The following MYH2 variants were observed in gnomAD, a reference collection of about 807,000 sequenced individuals.
MYH2 encodes the protein myosin heavy chain 2.
Under a neutral mutation model 228.1 loss-of-function variants are expected in MYH2, and 139 were observed. The observed-to-expected ratio is 0.61, with a 90% CI of 0.53 to 0.70. The LOEUF is 0.70. Ranked by LOEUF, MYH2 falls within the 30% of genes least tolerant of loss-of-function variation. MYH2 has a pLI of 0.00. For synonymous variants in MYH2, 796 were observed against 871.1 expected, an observed-to-expected ratio of 0.91 and a Z score of 1.52; for missense variants, 1,809 against 2,357.5, an observed-to-expected ratio of 0.77 and a Z score of 4.82.
At chr17:10,523,716 A>G in intron 36 of MYH2, 43 bp downstream of exon 36, 2 of 1,614,236 alleles carry the variant, frequency 1.2e-6, no homozygotes, top group South Asian at 2.2e-5. Context: ...GATGTCAGGA[A>G]ATCTTACTGC....
At chr17:10,530,640 A>G (rs977096816) in intron 22 of MYH2, among the ~76,000 whole-genome samples, 4 of 152,158 alleles carry the variant, frequency 2.6e-5, no homozygotes, top group Non-Finnish European at 5.9e-5. Flanking sequence ...GTTTCCAATT[A>G]AGGGGGACAG....
In MYH2 at chr17:10,525,146, T is replaced by C. The variant is rs1317390562; in HGVS notation, c.4662+78A>G. ...TCTGCACAGCAATAATTTTGTGCTA[T>C]GTGTCTTTTTATTCACTCTATGCAG... On this transcript the variant is annotated intron_variant, in intron 33 of 39. Coordinates refer to ENST00000245503, the MANE Select transcript of MYH2 (RefSeq NM_017534.6). The surrounding 1 kb of genome is among the most constrained non-coding windows in gnomAD (Gnocchi z 4.2). 2.5e-6 allele frequency: 4 copies of C among 1,613,732 alleles called. No individual in the cohort carries two copies. Among genetic ancestry groups the C allele is most frequent in the Non-Finnish European group, 3.4e-6 (4 of 1,179,852 alleles).
chr17:10,539,789 C>A, intron 12 of MYH2, 139 bp downstream of exon 12: 2 of 1,319,768 alleles, frequency 1.5e-6, no homozygotes, highest in Non-Finnish European at 2.2e-6. Context: ...TTTCCCATTG[C>A]ACATTATTTA....
In MYH2 at chr17:10,533,403, G is replaced by C. The variant is rs754414793; in HGVS notation, c.2323C>G (p.Leu775Val). The C allele has an allele frequency of 1.2e-6, 2 of 1,614,170 alleles. No individual in the cohort carries two copies. Among genetic ancestry groups the C allele is most frequent in the South Asian group, 1.1e-5 (1 of 91,078 alleles). Residue 775 changes from leucine (L) to valine (V), a missense_variant, in exon 21 of 40, where the codon CTT becomes GTT. By Grantham distance (32) the Leu-to-Val change is conservative. Coordinates refer to ENST00000245503, the MANE Select transcript of MYH2 (RefSeq NM_017534.6). Reference sequence around the variant, plus strand: ...CGCATCTCCTCTAGGAGCCCCAGAAGACCAGCTTTGAAAAAGACCTGTGAA... The same window carrying C: ...CGCATCTCCTCTAGGAGCCCCAGAACACCAGCTTTGAAAAAGACCTGTGAA... ...GHTKVFFKAG[L>V]LGLLEEMRDD...
In MYH2 at chr17:10,527,043, G is replaced by A. The variant is rs1039452032; in HGVS notation, c.3885C>T (p.Arg1295=). The A allele has an allele frequency of 1.9e-5, 30 of 1,614,026 alleles. No homozygotes were observed. The highest frequency in any genetic ancestry group is 2.5e-5 in the Non-Finnish European group (29 of 1,179,978). ...CCAGAGCTTCCTTTTCATCAAGCTG[G>A]CGTGAAAACTCACCTGATGGACAAA... ...RLQTESGEFS[R]QLDEKEALVS... Residue 1295 remains arginine, a synonymous_variant, in exon 29 of 40, where the codon CGC becomes CGT. Coordinates refer to ENST00000245503, the MANE Select transcript of MYH2 (RefSeq NM_017534.6).
rs1160076985 is a variant in MYH2, at chr17:10,535,476, T to C, written c.1975-111A>G. 1.6e-5 allele frequency: 14 copies of C among 882,866 alleles called. 1 individual carries two copies. Among genetic ancestry groups the C allele is most frequent in the Middle Eastern group, 5.8e-4 (2 of 3,454 alleles). The allele number at this position is 882,866 out of a possible 1,614,324, so 54.7% of individuals were successfully genotyped here. On this transcript the variant is annotated intron_variant, in intron 17 of 39. Coordinates refer to ENST00000245503, the MANE Select transcript of MYH2 (RefSeq NM_017534.6). ...GCTGAGTTGAATGACCAGTATGGAC[T>C]GCATTCATATAAGGCAACACTTTGA...
At position 10,544,096 on chromosome 17, in the gene MYH2, T is replaced by C. The variant is rs1411786425; in HGVS notation, c.533+4A>G. 6.2e-7 allele frequency: 1 copy of C among 1,614,000 alleles called. No homozygotes were observed. The highest frequency in any genetic ancestry group is 1.3e-5 in the African/African-American group (1 of 74,928). ...CATGTAAAGAAAGCATAAAATCTACTTACGTGATCAGGATTGACTGATTCT... is the reference window on the plus strand; with the variant it reads ...CATGTAAAGAAAGCATAAAATCTACCTACGTGATCAGGATTGACTGATTCT... On this transcript the variant is annotated splice_donor_region_variant and intron_variant, in intron 6 of 39. Coordinates refer to ENST00000245503, the MANE Select transcript of MYH2 (RefSeq NM_017534.6).
intron 14 of MYH2, among the ~76,000 whole-genome samples, chr17:10,538,141 A>G (rs2073504856): frequency 1.3e-5 from 2 of 152,022 alleles, no homozygotes; most frequent in Non-Finnish European, 2.9e-5. Context: ...GTTTATTCCC[A>G]TTATCTTCTA....
At chr17:10,536,641 A>T (rs1198341103) in intron 16 of MYH2, 35 bp from the exon 17 acceptor site, 2 of 1,587,026 alleles carry the variant, frequency 1.3e-6, no homozygotes, top group African/African-American at 2.7e-5. Context: ...TACTGTTTTG[A>T]ATTGGCAGGG....
rs145099248 is a variant in MYH2, at chr17:10,524,596, C to T, written c.5045G>A (p.Arg1682His). Residue 1682 changes from arginine (R) to histidine (H), a missense_variant, in exon 35 of 40, where the codon CGC (arginine) becomes CAC (histidine). Transcript: ENST00000245503. The surrounding 1 kb of genome is among the most constrained non-coding windows in gnomAD (Gnocchi z 4.7). ...CTCAGCCTGCAGCAGGTTGGCTCTG[C>T]GCTCCACCATGGCCAGCTGTTCCTT... is the stretch of plus-strand genomic sequence containing the variant. ...DLKEQLAMVE[R>H]RANLLQAEIE... The T allele has an allele frequency of 2.7e-5, 44 of 1,614,102 alleles. No homozygotes were observed. The highest frequency in any genetic ancestry group is 1.6e-4 in the Middle Eastern group (1 of 6,084).
At chr17:10,532,588 G>A (rs1365802221) in intron 21 of MYH2, among the ~76,000 whole-genome samples, 1 of 151,920 alleles carries the variant, frequency 6.6e-6, no homozygotes, top group Non-Finnish European at 1.5e-5. Context: ...AATTACAAGT[G>A]GTAAAAATAA....
chr17:10,535,327 G>A lies in MYH2; in HGVS notation c.2013C>T (p.Thr671=). Residue 671 remains threonine (T), a synonymous_variant, in exon 18 of 40, where the codon ACC becomes ACT. Coordinates refer to ENST00000245503, the MANE Select transcript of MYH2 (RefSeq NM_017534.6). ...LNKLMTNLRS[T]HPHFVRCIIP... ...TGATACACCTCACAAAGTGAGGATG[G>A]GTACTCCTGAGGTTGGTCATCAGCT... is the stretch of plus-strand genomic sequence containing the variant. 6.2e-7 allele frequency: 1 copy of A among 1,614,086 alleles called. No individual in the cohort carries two copies. Among genetic ancestry groups the A allele is most frequent in the Non-Finnish European group, 8.5e-7 (1 of 1,180,024 alleles).
intron 21 of MYH2, among the ~76,000 whole-genome samples, chr17:10,533,059 A>T (rs2073442623): frequency 6.6e-6 from 1 of 152,200 alleles, no homozygotes; most frequent in Non-Finnish European, 1.5e-5. Flanking sequence ...TTATCTTATT[A>T]GATAAGAAGT....
intron 39 of MYH2, among the ~76,000 whole-genome samples, chr17:10,521,953 G>A (rs932669538): frequency 6.6e-6 from 1 of 152,110 alleles, no homozygotes; most frequent in Non-Finnish European, 1.5e-5. Flanking sequence ...TACATTGTAA[G>A]AATTAACCTT....
At chr17:10,535,043 C>T in intron 19 of MYH2, 30 bp downstream of exon 19, 3 of 1,608,416 alleles carry the variant, frequency 1.9e-6, no homozygotes, top group Non-Finnish European at 1.7e-6. Context: ...TATTAAACTT[C>T]AGAATACACC....
Position 10,525,151 on chromosome 17 carries a change from C to T in MYH2, c.4662+73G>A. 2 of 1,613,820 alleles carry T rather than the reference C, an allele frequency of 1.2e-6. No homozygotes were observed. Among genetic ancestry groups the T allele is most frequent in the Non-Finnish European group, 1.7e-6 (2 of 1,179,916 alleles). The stretch of plus-strand genomic sequence containing the variant: ...ACAGCAATAATTTTGTGCTATGTGT[C>T]TTTTTATTCACTCTATGCAGATGTA... On this transcript the variant is annotated intron_variant, in intron 33 of 39. Coordinates refer to ENST00000245503, the MANE Select transcript of MYH2 (RefSeq NM_017534.6). This position sits in a 1 kb window ranked among gnomAD's most constrained non-coding sequence, Gnocchi z 4.2.
Position 10,524,735 on chromosome 17 carries a change from A to G in MYH2, c.4971+22T>C, listed in dbSNP as rs200441250. Reference sequence around the variant, plus strand: ...TTGCAGGCACCCCAATAGTCCTGGGACCATCTCTTGGACATATTTACCTTG... The same window carrying G: ...TTGCAGGCACCCCAATAGTCCTGGGGCCATCTCTTGGACATATTTACCTTG... On this transcript the variant is annotated intron_variant, in intron 34 of 39. Transcript: ENST00000245503. This position sits in a 1 kb window ranked among gnomAD's most constrained non-coding sequence, Gnocchi z 4.7. The G allele has an allele frequency of 6.2e-7, 1 of 1,614,172 alleles. No homozygotes were observed. Among genetic ancestry groups the G allele is most frequent in the South Asian group, 1.1e-5 (1 of 91,080 alleles).
rs751299754 is a variant in MYH2 at position 10,529,746 on chromosome 17, A to G, written c.2941-6T>C. The G allele has an allele frequency of 2.7e-5, 44 of 1,613,882 alleles. No individual in the cohort carries two copies. The highest frequency in any genetic ancestry group is 3.6e-5 in the Non-Finnish European group (42 of 1,180,032). ...TCTTCTGTGAGGTTTTTCACCTACA[A>G]AGGTGAAGAAAGCAGTTTAGTTGCT... On this transcript the variant is annotated splice_region_variant and splice_polypyrimidine_tract_variant and intron_variant, in intron 23 of 39. Coordinates refer to ENST00000245503, the MANE Select transcript of MYH2 (RefSeq NM_017534.6).
chr17:10,537,300 T>C lies in MYH2; in HGVS notation c.1830A>G (p.Gly610=). Residue 610 remains glycine, a synonymous_variant, in exon 16 of 40, where the codon GGA becomes GGG. Coordinates refer to ENST00000245503, the MANE Select transcript of MYH2 (RefSeq NM_017534.6). This position sits in a 1 kb window ranked among gnomAD's most constrained non-coding sequence, Gnocchi z 4.0. ...NKDPLNETVV[G]LYQKSAMKTL... is the part of the protein sequence containing the mutation. ...TTTTCATTGCAGACTTCTGGTACAG[T>C]CCAACCACGGTCTCATTCAGGGGGT... The C allele has an allele frequency of 1.2e-6, 2 of 1,614,190 alleles. No homozygotes were observed. Among genetic ancestry groups the C allele is most frequent in the Non-Finnish European group, 1.7e-6 (2 of 1,180,032 alleles).
Sources: gnomAD v4.1 joint callset for allele counts (sites outside exome capture counted in the v4.1 genomes callset) on GRCh38, gnomAD v4.1.1 for gene constraint, Gnocchi (gnomAD v3.1) non-coding constraint, MANE v1.5 for transcripts, NCBI Gene and HGNC (gene_info 2026-07-23, HGNC 2026-07-21) for gene names.